GRID2: variants seen among roughly 807,000 people sequenced by gnomAD.
GRID2 encodes the protein glutamate receptor ionotropic, delta-2.
Under a neutral mutation model 114.8 loss-of-function variants are expected in GRID2, and 33 were observed. The ratio of observed to expected loss-of-function variants is 0.29; its 90% CI spans 0.22 to 0.38. GRID2 has a LOEUF of 0.38. Ranked by LOEUF, GRID2 falls within the 10% of genes least tolerant of loss-of-function variation. GRID2 has a pLI of 1.00. For synonymous variants in GRID2, 505 were observed against 449.9 expected (o/e 1.12, Z -1.55); for missense variants, 1,184 against 1,257.7 (o/e 0.94, Z 0.89).
chr4:92,437,444 T>G (rs773182953), intron 1 of GRID2, among the ~76,000 whole-genome samples: 6 of 152,128 alleles, frequency 3.9e-5, no homozygotes, highest in Non-Finnish European at 8.8e-5. Context: ...ATAGCCCAGC[T>G]AATTTTTGTA....
At chr4:93,790,879 A>G (rs1734681321) in intron 1 of GRID2, among the ~76,000 whole-genome samples, 1 of 152,154 alleles carries the variant, frequency 6.6e-6, no homozygotes. Context: ...CTCCCACAAA[A>G]CAGAAGTAAT....
At chr4:93,146,707 A>T (rs115052691) in intron 4 of GRID2, among the ~76,000 whole-genome samples, 1 of 151,804 alleles carries the variant, frequency 6.6e-6, no homozygotes, top group East Asian at 1.9e-4. Context: ...TGATTTAAAA[A>T]AAAAAAAATC....
At position 92,345,270 on chromosome 4, in the gene GRID2, T is replaced by C. The variant is rs144858020; in HGVS notation, c.88+40526T>C. 4.9e-3 allele frequency among the ~76,000 whole-genome samples: 754 copies of C among 152,362 alleles called. 5 individuals carry two copies. The highest frequency in any genetic ancestry group is 7.0e-3 in the Non-Finnish European group (477 of 68,040). ...TAATAGCTTCCAGCTCCATCCAAGT[T>C]GCTACAAAAGAAATTATTTCATTCC... On this transcript the variant is annotated intron_variant, in intron 1 of 15. Coordinates refer to ENST00000282020, the MANE Select transcript of GRID2 (RefSeq NM_001510.4).
At chr4:93,588,029 A>G (rs1737717818) in intron 13 of GRID2, among the ~76,000 whole-genome samples, 1 of 152,174 alleles carries the variant, frequency 6.6e-6, no homozygotes, top group South Asian at 2.1e-4. Context: ...GTCTAGAAAC[A>G]ATGCAGTGGT....
At chr4:92,390,623 T>C (rs904500333) in intron 1 of GRID2, among the ~76,000 whole-genome samples, 1 of 152,170 alleles carries the variant, frequency 6.6e-6, no homozygotes, top group African/African-American at 2.4e-5. Flanking sequence ...ATGATAATGA[T>C]TTAATATAAT....
rs563778066 is a variant in GRID2, at chr4:92,651,991, G to C, written c.244+61705G>C. Among the ~76,000 whole-genome samples the C allele has an allele frequency of 1.7e-3, 260 of 152,148 alleles. 2 individuals are homozygous for C. Among genetic ancestry groups the C allele is most frequent in the African/African-American group, 6.2e-3 (256 of 41,538 alleles). On this transcript the variant is annotated intron_variant, in intron 2 of 15. Transcript: ENST00000282020. ...AAAAGAAGGCATGTGTCAGGAGTGGGGACCATGGCTGTTTGGACCACTTCT... is the reference window on the plus strand; with the variant it reads ...AAAAGAAGGCATGTGTCAGGAGTGGCGACCATGGCTGTTTGGACCACTTCT...
chr4:93,685,101 G>C (rs151113515), intron 14 of GRID2, among the ~76,000 whole-genome samples: 3 of 151,926 alleles, frequency 2.0e-5, no homozygotes, highest in Admixed American at 6.6e-5. Context: ...AAGGCAAAAT[G>C]CCTCTCCTGG....
chr4:92,483,035 T>G (rs1560661409), intron 1 of GRID2, among the ~76,000 whole-genome samples: 1 of 152,068 alleles, frequency 6.6e-6, no homozygotes, highest in African/African-American at 2.4e-5. Context: ...TCAACTGACA[T>G]AGTTGGTCAA....
chr4:93,183,929 C>T (rs746018645), intron 4 of GRID2, among the ~76,000 whole-genome samples: 8 of 152,152 alleles, frequency 5.3e-5, no homozygotes, highest in Non-Finnish European at 8.8e-5. Flanking sequence ...TACACTATAT[C>T]AGTTCTTATA....
intron 2 of GRID2, among the ~76,000 whole-genome samples, chr4:92,867,651 A>G (rs1744969820): frequency 6.6e-6 from 1 of 151,882 alleles, no homozygotes; most frequent in Non-Finnish European, 1.5e-5. Flanking sequence ...GGCTATCAGT[A>G]AAATGGATTT....
intron 8 of GRID2, among the ~76,000 whole-genome samples, chr4:93,361,386 T>C (rs1761863634): frequency 6.6e-6 from 1 of 152,034 alleles, no homozygotes; most frequent in Admixed American, 6.6e-5. Context: ...TTTTTCTCTC[T>C]TGTTAAATTT....
chr4:92,773,910 T>C (rs1406844065), intron 2 of GRID2, among the ~76,000 whole-genome samples: 1 of 152,140 alleles, frequency 6.6e-6, no homozygotes, highest in East Asian at 1.9e-4. Flanking sequence ...ATTAAAAATA[T>C]ATATATTTAA....
At chr4:92,793,950 G>A (rs2149366761) in intron 2 of GRID2, among the ~76,000 whole-genome samples, 1 of 151,858 alleles carries the variant, frequency 6.6e-6, no homozygotes, top group Middle Eastern at 3.4e-3. Flanking sequence ...ACATTCAATT[G>A]GTTACTGCAC....
intron 2 of GRID2, among the ~76,000 whole-genome samples, chr4:92,690,316 G>C (rs1183531272): frequency 6.6e-6 from 1 of 152,184 alleles, no homozygotes; most frequent in Non-Finnish European, 1.5e-5. Context: ...AGAGAAGTCT[G>C]AGGAGAGGGA....
intron 2 of GRID2, among the ~76,000 whole-genome samples, chr4:92,986,584 A>AT (rs1754520216): frequency 6.6e-6 from 1 of 152,072 alleles, no homozygotes; most frequent in South Asian, 2.1e-4. Context: ...AGCAATGTTA[A>AT]CTTTCTGGTT....
chr4:93,565,503 A>T (rs1735322930), intron 13 of GRID2, among the ~76,000 whole-genome samples: 1 of 152,224 alleles, frequency 6.6e-6, no homozygotes, highest in Non-Finnish European at 1.5e-5. Flanking sequence ...GGAGAATATA[A>T]TCAATCTTAT....
chr4:92,853,585 A>G (rs561171624), intron 2 of GRID2, among the ~76,000 whole-genome samples: 10 of 151,994 alleles, frequency 6.6e-5, no homozygotes, highest in Admixed American at 2.0e-4. Context: ...GCCAGAGCCT[A>G]CCCTGACTCA....
At chr4:93,287,139 T>C (rs555253059) in intron 8 of GRID2, among the ~76,000 whole-genome samples, 2 of 152,184 alleles carry the variant, frequency 1.3e-5, no homozygotes, top group Non-Finnish European at 2.9e-5. Context: ...AAGCAGATAC[T>C]GTAGCTTAGC....
intron 2 of GRID2, among the ~76,000 whole-genome samples, chr4:92,910,225 A>T (rs970919678): frequency 1.3e-5 from 2 of 152,128 alleles, no homozygotes; most frequent in Admixed American, 1.3e-4. Context: ...TAAAAAAAAA[A>T]AGTAAATGCT....
Sources: gnomAD v4.1 joint callset for allele counts (sites outside exome capture counted in the v4.1 genomes callset) on GRCh38, gnomAD v4.1.1 for gene constraint, MANE v1.5 for transcripts, NCBI Gene and HGNC (gene_info 2026-07-23, HGNC 2026-07-21) for gene names.